Variants in TEAD1 observed in about 807,000 individuals in gnomAD.
TEAD1 encodes TEA domain transcription factor 1, also known as transcriptional enhancer factor TEF-1.
In TEAD1, 9 loss-of-function variants were observed where a neutral mutation model predicts 54.9. The observed-to-expected ratio is 0.16, with a 90% CI of 0.10 to 0.29. The LOEUF is 0.29. Ranked by LOEUF, TEAD1 falls within the 10% of genes least tolerant of loss-of-function variation. TEAD1 has a pLI of 1.00. For synonymous variants in TEAD1, 200 were observed against 187.8 expected, an observed-to-expected ratio of 1.07 and a Z score of -0.53; for missense variants, 387 against 535.9, an observed-to-expected ratio of 0.72 and a Z score of 2.74.
rs567981861 is a variant in TEAD1 at position 12,710,148 on chromosome 11, A to G, written c.-55+34587A>G. Among the ~76,000 whole-genome samples the G allele has an allele frequency of 1.8e-3, 269 of 152,124 alleles. 2 individuals are homozygous for G. Among genetic ancestry groups the G allele is most frequent in the African/African-American group, 6.4e-3 (266 of 41,514 alleles). ...TTGAGACCAGCCTGGGCAACATAGCAAGTCCTTGTCTCTACAAAAAATAAA... is the reference window on the plus strand; with the variant it reads ...TTGAGACCAGCCTGGGCAACATAGCGAGTCCTTGTCTCTACAAAAAATAAA... On this transcript the variant is annotated intron_variant, in intron 2 of 12. Transcript: ENST00000527636.
chr11:12,885,718 A>G (rs570295162), intron 9 of TEAD1, among the ~76,000 whole-genome samples: 49 of 152,352 alleles, frequency 3.2e-4, no homozygotes, highest in Middle Eastern at 6.8e-3. Flanking sequence ...AGAAATTAAA[A>G]TAATGTGGTA....
chr11:12,719,182 ACT>A (rs1006748400), intron 2 of TEAD1, among the ~76,000 whole-genome samples: 3 of 151,606 alleles, frequency 2.0e-5, no homozygotes, highest in South Asian at 2.1e-4. Context: ...TGTTTAGCTG[ACT>A]CTGACCACAG....
At chr11:12,780,235 A>T (rs1334954340) in intron 3 of TEAD1, among the ~76,000 whole-genome samples, 1 of 151,040 alleles carries the variant, frequency 6.6e-6, no homozygotes, top group East Asian at 1.9e-4. Context: ...ATAAAACTCA[A>T]TTGTAAATTT....
rs769981588 is a variant in TEAD1 at position 12,930,182 on chromosome 11, T to C, written c.1023T>C (p.Tyr341=). Residue 341 remains tyrosine, a synonymous_variant, in exon 12 of 13, where the codon TAT becomes TAC. Coordinates refer to ENST00000527636, the MANE Select transcript of TEAD1 (RefSeq NM_021961.6). Reference sequence around the variant, plus strand: ...TCCTTTTTTCCTCACAGACGGAGTATGCAAGGTTTGAGAATGGCCGATTTG... The same window carrying C: ...TCCTTTTTTCCTCACAGACGGAGTACGCAAGGTTTGAGAATGGCCGATTTG... The C allele has an allele frequency of 4.3e-6, 7 of 1,614,120 alleles. No homozygotes were observed. The highest frequency in any genetic ancestry group is 3.3e-5 in the Admixed American group (2 of 60,000).
intron 10 of TEAD1, among the ~76,000 whole-genome samples, chr11:12,903,726 A>G (rs538653522): frequency 7.6e-4 from 115 of 152,278 alleles, no homozygotes; most frequent in Admixed American, 1.4e-3. Context: ...GTGGGAGGAT[A>G]GCTTGAGCCC....
At chr11:12,860,285 A>G (rs1053882847) in intron 3 of TEAD1, among the ~76,000 whole-genome samples, 3 of 152,210 alleles carry the variant, frequency 2.0e-5, no homozygotes, top group African/African-American at 7.2e-5. Flanking sequence ...ATGTTCTAAG[A>G]TAGAATGGGC....
intron 9 of TEAD1, among the ~76,000 whole-genome samples, chr11:12,891,750 C>T (rs926979617): frequency 3.9e-5 from 6 of 152,202 alleles, no homozygotes; most frequent in African/African-American, 1.4e-4. Flanking sequence ...CTGAATTTCA[C>T]AGTGTATGAG....
At position 12,701,541 on chromosome 11, in the gene TEAD1, G is replaced by C. The variant is rs6486030; in HGVS notation, c.-55+25980G>C. Among the ~76,000 whole-genome samples the C allele has an allele frequency of 9.5e-3, 1,454 of 152,258 alleles. 24 individuals carry two copies. The highest frequency in any genetic ancestry group is 0.032 in the African/African-American group (1,348 of 41,554). On this transcript the variant is annotated intron_variant, in intron 2 of 12. Coordinates refer to ENST00000527636, the MANE Select transcript of TEAD1 (RefSeq NM_021961.6). Reference sequence around the variant, plus strand: ...TTACCTGAGTGAAGGGGAAAGTTGAGTAATCGGAAGGGTCATGCCGGTGGG... The same window carrying C: ...TTACCTGAGTGAAGGGGAAAGTTGACTAATCGGAAGGGTCATGCCGGTGGG...
At chr11:12,857,027 CACA>C (rs1476725490) in intron 3 of TEAD1, among the ~76,000 whole-genome samples, 1 of 152,110 alleles carries the variant, frequency 6.6e-6, no homozygotes, top group African/African-American at 2.4e-5. Flanking sequence ...ATATACAGCC[CACA>C]ACAACGTTAA....
At chr11:12,917,380 T>G (rs4600191) in intron 10 of TEAD1, among the ~76,000 whole-genome samples, 1 of 152,116 alleles carries the variant, frequency 6.6e-6, no homozygotes, top group Admixed American at 6.5e-5. Context: ...TTAGCCAGCC[T>G]GGAGCTGAAT....
At chr11:12,867,450 G>A (rs1011165273) in intron 5 of TEAD1, among the ~76,000 whole-genome samples, 4 of 152,178 alleles carry the variant, frequency 2.6e-5, no homozygotes, top group Admixed American at 2.6e-4. Flanking sequence ...AGAGCTGCTT[G>A]GCACCACTCT....
At chr11:12,865,356 T>G (rs1456683833) in intron 5 of TEAD1, 1 of 165,192 alleles carries the variant, frequency 6.1e-6, no homozygotes, top group East Asian at 1.7e-4. Context: ...AATTTAGAAA[T>G]TATTTTAACT....
At chr11:12,754,292 C>T (rs1343906657) in intron 2 of TEAD1, among the ~76,000 whole-genome samples, 1 of 152,126 alleles carries the variant, frequency 6.6e-6, no homozygotes, top group Non-Finnish European at 1.5e-5. Context: ...TGACACTGTC[C>T]TAGGTTGTAG....
At chr11:12,858,213 G>C (rs944855326) in intron 3 of TEAD1, among the ~76,000 whole-genome samples, 2 of 152,258 alleles carry the variant, frequency 1.3e-5, no homozygotes, top group African/African-American at 4.8e-5. Flanking sequence ...ATCCCAAACA[G>C]CCAAAAAGAT....
chr11:12,711,834 G>A (rs1436833601), intron 2 of TEAD1, among the ~76,000 whole-genome samples: 1 of 152,204 alleles, frequency 6.6e-6, no homozygotes, highest in African/African-American at 2.4e-5. Context: ...GGGTCCCTCA[G>A]GAGGTTCTGC....
At chr11:12,916,137 G>A (rs535499992) in intron 10 of TEAD1, among the ~76,000 whole-genome samples, 4 of 152,236 alleles carry the variant, frequency 2.6e-5, no homozygotes, top group South Asian at 2.1e-4. Context: ...CTCAACACAC[G>A]TGTTAATGAT....
chr11:12,937,288 C>T lies in TEAD1; in HGVS notation c.*66C>T. Reference sequence around the variant, plus strand: ...ACACATATGTGCACACACACACTCTCTCTCCATTATCGAACGACTGACTGT... The same window carrying T: ...ACACATATGTGCACACACACACTCTTTCTCCATTATCGAACGACTGACTGT... On this transcript the variant is annotated 3_prime_UTR_variant, in exon 13 of 13. Transcript: ENST00000527636. 7.7e-7 allele frequency: 1 copy of T among 1,296,640 alleles called. No homozygotes were observed. The highest frequency in any genetic ancestry group is 1.2e-5 in the South Asian group (1 of 81,148). The allele number at this position is 1,296,640 out of a possible 1,614,324, so 80.3% of individuals were successfully genotyped here.
intron 3 of TEAD1, among the ~76,000 whole-genome samples, chr11:12,782,988 TG>T (rs1246320316): frequency 6.6e-6 from 1 of 152,116 alleles, no homozygotes; most frequent in Non-Finnish European, 1.5e-5. Context: ...AACTTGGGTC[TG>T]GGGATCCAGA....
intron 2 of TEAD1, among the ~76,000 whole-genome samples, chr11:12,703,222 C>T (rs1453688602): frequency 6.6e-6 from 1 of 152,142 alleles, no homozygotes; most frequent in East Asian, 1.9e-4. Context: ...CCTAAATGTG[C>T]TGCCCTACTC....
Sources: gnomAD v4.1 joint callset for allele counts (sites outside exome capture counted in the v4.1 genomes callset) on GRCh38, gnomAD v4.1.1 for gene constraint, MANE v1.5 for transcripts, NCBI Gene and HGNC (gene_info 2026-07-23, HGNC 2026-07-21) for gene names.